Variants in TRPC4AP observed in about 807,000 individuals in gnomAD.
TRPC4AP encodes transient receptor potential cation channel subfamily C member 4 associated protein, also known as short transient receptor potential channel 4-associated protein.
TRPC4AP carries 45 observed loss-of-function variants against 99.0 expected under a neutral mutation model. The ratio of observed to expected loss-of-function variants is 0.45; its 90% CI spans 0.36 to 0.58. TRPC4AP has a LOEUF of 0.58. Ranked by LOEUF, TRPC4AP falls within the 20% of genes least tolerant of loss-of-function variation. TRPC4AP has a pLI of 0.00. For synonymous variants in TRPC4AP, 408 were observed against 385.8 expected, an observed-to-expected ratio of 1.06 and a Z score of -0.67; for missense variants, 879 against 985.3, an observed-to-expected ratio of 0.89 and a Z score of 1.44.
intron 5 of TRPC4AP, among the ~76,000 whole-genome samples, chr20:35,050,215 C>T (rs1233013785): frequency 6.6e-6 from 1 of 152,166 alleles, no homozygotes; most frequent in Non-Finnish European, 1.5e-5. Flanking sequence ...TGGGAACTCA[C>T]TTGTGAGAAC....
chr20:35,056,202 G>A (rs1484314818), intron 4 of TRPC4AP, among the ~76,000 whole-genome samples: 1 of 152,158 alleles, frequency 6.6e-6, no homozygotes, highest in Non-Finnish European at 1.5e-5. Flanking sequence ...CTTCAGAGCA[G>A]GGTGAAACAC....
At chr20:35,075,837 A>G (rs1365562188) in intron 2 of TRPC4AP, among the ~76,000 whole-genome samples, 2 of 152,166 alleles carry the variant, frequency 1.3e-5, no homozygotes, top group African/African-American at 4.8e-5. Flanking sequence ...CTCCTGGATA[A>G]TATCCTGAAG....
intron 1 of TRPC4AP, among the ~76,000 whole-genome samples, chr20:35,089,305 C>T (rs117619919): frequency 8.6e-4 from 131 of 152,112 alleles, no homozygotes; most frequent in Admixed American, 2.8e-3. Flanking sequence ...TGGCTCACTG[C>T]AGCCTTGACT....
At chr20:35,011,940 A>G (rs1175333095) in intron 11 of TRPC4AP, among the ~76,000 whole-genome samples, 1 of 152,144 alleles carries the variant, frequency 6.6e-6, no homozygotes, top group Non-Finnish European at 1.5e-5. Context: ...CTAATGCTCA[A>G]CGGTGGAATC....
At chr20:35,065,351 T>C (rs1228033655) in intron 3 of TRPC4AP, among the ~76,000 whole-genome samples, 5 of 152,212 alleles carry the variant, frequency 3.3e-5, no homozygotes, top group Non-Finnish European at 7.3e-5. Flanking sequence ...TTTATGCAGA[T>C]GAGCTTGCTC....
At chr20:35,076,388 T>C (rs1294589135) in intron 2 of TRPC4AP, among the ~76,000 whole-genome samples, 1 of 152,194 alleles carries the variant, frequency 6.6e-6, no homozygotes, top group African/African-American at 2.4e-5. Flanking sequence ...TCCCTATCTT[T>C]GTGGTTTTAT....
At position 35,002,486 on chromosome 20, in the gene TRPC4AP, C is replaced by G. The variant is rs750211451; in HGVS notation, c.*660G>C. The G allele has an allele frequency of 3.3e-6, 1 of 304,974 alleles. No individual in the cohort carries two copies. Among genetic ancestry groups the G allele is most frequent in the Non-Finnish European group, 6.0e-6 (1 of 167,190 alleles). The allele number at this position is 304,974 out of a possible 1,614,324, so 18.9% of individuals were successfully genotyped here. On this transcript the variant is annotated 3_prime_UTR_variant, in exon 19 of 19. Coordinates refer to ENST00000252015, the MANE Select transcript of TRPC4AP (RefSeq NM_015638.3). ...ATAAATTGGCAACACAAGGAAGGGCCCCATGTCCAGGCTCAGGCAGGAGCG... is the reference window on the plus strand; with the variant it reads ...ATAAATTGGCAACACAAGGAAGGGCGCCATGTCCAGGCTCAGGCAGGAGCG...
chr20:35,035,355 C>T lies in TRPC4AP; in HGVS notation c.866-47G>A, dbSNP rs992680154. On this transcript the variant is annotated intron_variant, in intron 7 of 18. Coordinates refer to ENST00000252015, the MANE Select transcript of TRPC4AP (RefSeq NM_015638.3). ...AGGAAATTTTCAAAATAGAGACCAG[C>T]AAAACTACCCCTAAAGCCCTAACAA... 4.4e-6 allele frequency: 7 copies of T among 1,579,782 alleles called. No individual in the cohort carries two copies. In the African/African-American group the frequency reaches 9.4e-5, roughly 21 times the overall value.
intron 1 of TRPC4AP, among the ~76,000 whole-genome samples, chr20:35,081,089 AAAAGAAG>A (rs1391278860): frequency 6.6e-6 from 1 of 152,206 alleles, no homozygotes; most frequent in African/African-American, 2.4e-5. Flanking sequence ...AGAAATATTT[AAAAGAAG>A]AAAGAAGAGA....
At chr20:35,070,199 T>A (rs2084269910) in intron 2 of TRPC4AP, among the ~76,000 whole-genome samples, 2 of 152,098 alleles carry the variant, frequency 1.3e-5, no homozygotes, top group African/African-American at 2.4e-5. Flanking sequence ...CAACCAAGAA[T>A]TGTTGACAGA....
chr20:35,010,450 G>A (rs979080256), intron 11 of TRPC4AP, among the ~76,000 whole-genome samples, 162 bp from the exon 12 acceptor site: 4 of 152,116 alleles, frequency 2.6e-5, no homozygotes, highest in African/African-American at 7.2e-5. Context: ...GCACCTGCAG[G>A]AGGGAACTCT....
Position 35,049,963 on chromosome 20 carries a change from T to G in TRPC4AP, c.560A>C (p.Lys187Thr), listed in dbSNP as rs1326802917. ...AAACAGGAAGATCACAAAGTCATTC[T>G]TTTCTGCCAAACGCTTTGTAACTCC... is the stretch of plus-strand genomic sequence containing the variant. ...TEGVTKRLAE[K>T]NDFVIFLFTL... Residue 187 changes from lysine (K) to threonine (T), a missense_variant, in exon 6 of 19, where the codon AAG (lysine) becomes ACG (threonine). This residue lies in a region of TRPC4AP where 603 missense variants were observed against 631.8 expected (regional missense o/e 0.95). Coordinates refer to ENST00000252015, the MANE Select transcript of TRPC4AP (RefSeq NM_015638.3). The G allele has an allele frequency of 6.2e-7, 1 of 1,614,112 alleles. No individual in the cohort carries two copies. The highest frequency in any genetic ancestry group is 1.7e-5 in the Admixed American group (1 of 60,004).
At chr20:35,046,855 G>GT (rs1323630123) in intron 6 of TRPC4AP, among the ~76,000 whole-genome samples, 1 of 151,856 alleles carries the variant, frequency 6.6e-6, no homozygotes, top group Non-Finnish European at 1.5e-5. Flanking sequence ...ATGGTTTTTT[G>GT]TTTTGTCTTA....
intron 5 of TRPC4AP, among the ~76,000 whole-genome samples, chr20:35,054,593 C>T (rs62213709): frequency 0.022 from 3,375 of 152,122 alleles, 74 homozygotes; most frequent in Non-Finnish European, 0.04. Flanking sequence ...AATATATGGG[C>T]GGGGCTTCTG....
At chr20:35,021,512 T>A (rs1418207493) in intron 8 of TRPC4AP, among the ~76,000 whole-genome samples, 156 bp from the exon 9 acceptor site, 1 of 152,118 alleles carries the variant, frequency 6.6e-6, no homozygotes, top group Non-Finnish European at 1.5e-5. Flanking sequence ...CCCTCCACAA[T>A]CCCAGGAGCC....
chr20:35,080,248 C>A (rs887562900), intron 1 of TRPC4AP, among the ~76,000 whole-genome samples: 1 of 151,868 alleles, frequency 6.6e-6, no homozygotes, highest in African/African-American at 2.4e-5. Flanking sequence ...CCAAAGTAAT[C>A]CCAGCACTTT....
At chr20:35,038,016 T>C (rs1192539891) in intron 7 of TRPC4AP, among the ~76,000 whole-genome samples, 1 of 151,734 alleles carries the variant, frequency 6.6e-6, no homozygotes, top group Non-Finnish European at 1.5e-5. Context: ...GTAATCTGAA[T>C]AGGTAAATCC....
At chr20:35,045,413 C>T (rs894849982) in intron 6 of TRPC4AP, among the ~76,000 whole-genome samples, 1 of 152,194 alleles carries the variant, frequency 6.6e-6, no homozygotes, top group Non-Finnish European at 1.5e-5. Context: ...CTCTGTTGCT[C>T]AAGCTGCGGA....
chr20:35,052,871 G>GTCCCAAC (rs1400511288), intron 5 of TRPC4AP, among the ~76,000 whole-genome samples: 1 of 152,074 alleles, frequency 6.6e-6, no homozygotes, highest in Non-Finnish European at 1.5e-5. Flanking sequence ...GTTTACACAA[G>GTCCCAAC]TCCCCACTCC....
Sources: allele counts gnomAD v4.1 joint callset (sites outside exome capture counted in the v4.1 genomes callset), GRCh38; gene constraint gnomAD v4.1.1; regional missense constraint gnomAD v4.1.1; transcripts MANE v1.5; gene names NCBI Gene and HGNC (gene_info 2026-07-23, HGNC 2026-07-21).